The following PLPPR1 variants were observed in gnomAD, a reference collection of about 807,000 sequenced individuals.
PLPPR1 encodes phospholipid phosphatase related 1.
In PLPPR1, 10 loss-of-function variants were observed where a neutral mutation model predicts 33.1. The observed-to-expected ratio is 0.30, with a 90% CI of 0.19 to 0.51. PLPPR1 has a LOEUF of 0.51. Ranked by LOEUF, PLPPR1 falls within the 20% of genes least tolerant of loss-of-function variation. The probability of loss-of-function intolerance (pLI) is 0.97; values close to 1 mark genes in which losing one functional copy is unlikely to be tolerated. For missense variants in PLPPR1, 304 were observed against 408.1 expected (o/e 0.74, Z 2.20); for synonymous variants, 151 against 151.0 (o/e 1.00, Z 0.00).
intron 2 of PLPPR1, among the ~76,000 whole-genome samples, chr9:101,244,954 C>T (rs1322505850): frequency 1.3e-5 from 2 of 151,860 alleles, no homozygotes; most frequent in Non-Finnish European, 2.9e-5. Context: ...CCTTATTAGT[C>T]ATTAGAGAAG....
intron 3 of PLPPR1, 96 bp from the exon 4 acceptor site, chr9:101,286,008 G>A: frequency 1.1e-6 from 1 of 884,398 alleles, no homozygotes; most frequent in Non-Finnish European, 1.8e-6. Flanking sequence ...TAAAATGATT[G>A]TGGGTCCTCA....
chr9:101,258,768 C>G (rs1211873007), intron 2 of PLPPR1, among the ~76,000 whole-genome samples: 3 of 152,158 alleles, frequency 2.0e-5, no homozygotes, highest in African/African-American at 7.2e-5. Context: ...TTGAGCCTCT[C>G]AGGCTCGAGT....
intron 2 of PLPPR1, among the ~76,000 whole-genome samples, chr9:101,237,978 C>CATATATATATATATATATAT (rs1464878741): frequency 1.3e-5 from 1 of 75,306 alleles, no homozygotes; most frequent in East Asian, 4.1e-4. Context: ...GGCTATATAG[C>CATATATATATATATATATAT]CTATATATAT....
chr9:101,164,869 T>C (rs1000930765), intron 1 of PLPPR1, among the ~76,000 whole-genome samples: 1 of 152,220 alleles, frequency 6.6e-6, no homozygotes, highest in Non-Finnish European at 1.5e-5. Context: ...ATTCATTTTC[T>C]TTCCAACATG....
At chr9:101,090,927 C>T (rs1830733729) in intron 1 of PLPPR1, among the ~76,000 whole-genome samples, 1 of 151,724 alleles carries the variant, frequency 6.6e-6, no homozygotes. Flanking sequence ...TGGTTGTGTG[C>T]TAGGTCCCTT....
rs559746709 is a variant in PLPPR1 at position 101,166,838 on chromosome 9, T to C, written c.-45-18612T>C. 8.5e-5 allele frequency among the ~76,000 whole-genome samples: 13 copies of C among 152,108 alleles called. No homozygotes were observed. In the East Asian group the frequency reaches 2.6e-3, roughly 30 times the overall value. On this transcript the variant is annotated intron_variant, in intron 1 of 7. Coordinates refer to ENST00000374874, the MANE Select transcript of PLPPR1 (RefSeq NM_207299.2). ...ACTATGCACACAGTGCTCCCCTGAC[T>C]GCGTAGCAGTGCAGGCAAACCATGG...
At chr9:101,121,626 A>G (rs187323628) in intron 1 of PLPPR1, among the ~76,000 whole-genome samples, 33 of 152,298 alleles carry the variant, frequency 2.2e-4, no homozygotes, top group African/African-American at 7.5e-4. Flanking sequence ...TTCTACATTC[A>G]CCTCAGAATG....
chr9:101,081,510 C>T (rs535899377), intron 1 of PLPPR1, among the ~76,000 whole-genome samples: 4 of 152,268 alleles, frequency 2.6e-5, no homozygotes, highest in South Asian at 4.1e-4. Flanking sequence ...GTATTTAATT[C>T]ACCACTTTAA....
intron 1 of PLPPR1, among the ~76,000 whole-genome samples, chr9:101,128,043 AAGT>A (rs1397536714): frequency 6.6e-6 from 1 of 152,202 alleles, no homozygotes; most frequent in African/African-American, 2.4e-5. Flanking sequence ...TTTCTAGAAA[AAGT>A]AGTTCAGGAA....
At chr9:101,249,853 G>A (rs1827685893) in intron 2 of PLPPR1, among the ~76,000 whole-genome samples, 1 of 152,002 alleles carries the variant, frequency 6.6e-6, no homozygotes, top group South Asian at 2.1e-4. Context: ...TTTGTAGCTG[G>A]CACATCTCTT....
intron 3 of PLPPR1, among the ~76,000 whole-genome samples, chr9:101,284,730 C>A (rs1348714827): frequency 6.6e-6 from 1 of 152,064 alleles, no homozygotes; most frequent in Non-Finnish European, 1.5e-5. Context: ...TATCCATGTG[C>A]CTTTCATTAT....
chr9:101,317,252 GA>G (rs1202027961), intron 6 of PLPPR1, 112 bp from the exon 7 acceptor site: 10 of 1,164,022 alleles, frequency 8.6e-6, no homozygotes, highest in Middle Eastern at 2.8e-4. Context: ...TCTCTCAAAG[GA>G]AAAAGGTCAC....
intron 1 of PLPPR1, among the ~76,000 whole-genome samples, chr9:101,068,880 G>C (rs1223873399): frequency 6.6e-6 from 1 of 152,118 alleles, no homozygotes; most frequent in Non-Finnish European, 1.5e-5. Flanking sequence ...GATGACAGGG[G>C]ATAGGAAAAG....
chr9:101,078,155 GAAGAAGAAGAAGAAGAAGAAGAAGAAGAA>G (rs1830566329), intron 1 of PLPPR1, among the ~76,000 whole-genome samples: 1 of 28,956 alleles, frequency 3.5e-5, no homozygotes, highest in Non-Finnish European at 6.6e-5. Context: ...AGAAGAAGAA[GAAGAAGAAGAAGAAGAAGAAGAAGAAGAA>G]GAGGAGGGGG....
intron 2 of PLPPR1, chr9:101,187,484 A>G (rs1229635251): frequency 2.0e-5 from 3 of 151,874 alleles, no homozygotes. Flanking sequence ...TTCTTGTTGT[A>G]TTGTTGTTCT....
chr9:101,147,757 T>C (rs1831537838), intron 1 of PLPPR1, among the ~76,000 whole-genome samples: 1 of 152,220 alleles, frequency 6.6e-6, no homozygotes. Context: ...TGCTATTCAC[T>C]TTACTCTCAT....
At chr9:101,068,981 A>G (rs73491998) in intron 1 of PLPPR1, among the ~76,000 whole-genome samples, 3,164 of 152,180 alleles carry the variant, frequency 0.021, 113 homozygotes, top group African/African-American at 0.072. Flanking sequence ...TGCTTAGGGT[A>G]TCTTTGGGAA....
chr9:101,304,610 C>G (rs1828813956), intron 4 of PLPPR1, among the ~76,000 whole-genome samples: 1 of 152,190 alleles, frequency 6.6e-6, no homozygotes, highest in Non-Finnish European at 1.5e-5. Flanking sequence ...CCGATGTGAT[C>G]TGTGATTATT....
At chr9:101,139,960 C>T (rs778155213) in intron 1 of PLPPR1, among the ~76,000 whole-genome samples, 63 of 152,094 alleles carry the variant, frequency 4.1e-4, no homozygotes, top group African/African-American at 1.4e-3. Context: ...AGCTGGAGAG[C>T]CTTTCCCTAT....
Sources: allele counts gnomAD v4.1 joint callset (sites outside exome capture counted in the v4.1 genomes callset), GRCh38; gene constraint gnomAD v4.1.1; transcripts MANE v1.5; gene names NCBI Gene and HGNC (gene_info 2026-07-23, HGNC 2026-07-21).